Variants in STARD13 observed in about 807,000 individuals in gnomAD.
STARD13 encodes the protein stAR-related lipid transfer protein 13.
In STARD13, 62 loss-of-function variants were observed where a neutral mutation model predicts 106.4. The ratio of observed to expected loss-of-function variants is 0.58; its 90% confidence interval spans 0.48 to 0.72. The LOEUF is 0.72. STARD13 is among the 30% of genes least tolerant of loss of function. STARD13 has a pLI of 0.00. For synonymous variants in STARD13, 565 were observed against 553.0 expected, an observed-to-expected ratio of 1.02 and a Z score of -0.31; for missense variants, 1,387 against 1,424.0, an observed-to-expected ratio of 0.97 and a Z score of 0.42.
At chr13:33,598,689 T>G in the STARD13 span, among the ~76,000 whole-genome samples, 3 of 152,242 alleles carry the variant, frequency 2.0e-5, no homozygotes, top group African/African-American at 7.2e-5. Context: ...CTTTGCTAGT[T>G]TTTTAAATTA....
chr13:33,576,372 G>A, the STARD13 span, among the ~76,000 whole-genome samples: 1 of 151,862 alleles, frequency 6.6e-6, no homozygotes. Flanking sequence ...ACAGGAGTGT[G>A]CCACCATGCC....
intron 1 of STARD13, among the ~76,000 whole-genome samples, chr13:33,239,168 A>G (rs1300916439): frequency 6.6e-6 from 1 of 152,066 alleles, no homozygotes; most frequent in Admixed American, 6.6e-5. Flanking sequence ...TAGCATAATG[A>G]CCTCAAGGCT....
the STARD13 span, among the ~76,000 whole-genome samples, chr13:33,650,749 T>C: frequency 1.3e-5 from 2 of 152,214 alleles, no homozygotes; most frequent in East Asian, 1.9e-4. Flanking sequence ...AGTGGGCCAA[T>C]TGGGAGGTGA....
At chr13:33,664,152 G>A in the STARD13 span, among the ~76,000 whole-genome samples, 17 of 152,312 alleles carry the variant, frequency 1.1e-4, no homozygotes, top group African/African-American at 3.6e-4. Flanking sequence ...GGGGGAAAAC[G>A]TAGGGATGCT....
chr13:33,674,075 G>C, the STARD13 span, among the ~76,000 whole-genome samples: 1 of 151,890 alleles, frequency 6.6e-6, no homozygotes, highest in Non-Finnish European at 1.5e-5. Flanking sequence ...GGCCAGGCTG[G>C]TCTCCAACTC....
the STARD13 span, among the ~76,000 whole-genome samples, chr13:33,665,385 A>T: frequency 6.6e-6 from 1 of 152,250 alleles, no homozygotes; most frequent in African/African-American, 2.4e-5. Context: ...TATCGAGTTG[A>T]AGATAGAACA....
chr13:33,104,183 T>C lies in STARD13; in HGVS notation c.*1410A>G, dbSNP rs1873415657. On this transcript the variant is annotated 3_prime_UTR_variant, in exon 14 of 14. Transcript: ENST00000336934. ...CCAAAGAAAATCTCTCTCCCTGAAATCAAACACACAATAAGTTATCTTTCT... is the reference window on the plus strand; with the variant it reads ...CCAAAGAAAATCTCTCTCCCTGAAACCAAACACACAATAAGTTATCTTTCT... 6.6e-6 allele frequency: 1 copy of C among 152,218 alleles called. No individual in the cohort carries two copies. Among genetic ancestry groups the C allele is most frequent in the Non-Finnish European group, 1.5e-5 (1 of 68,036 alleles). 9.4% of individuals were successfully genotyped at this position (152,218 alleles called of 1,614,324 possible).
the STARD13 span, among the ~76,000 whole-genome samples, chr13:33,647,356 G>A: frequency 6.6e-6 from 1 of 152,112 alleles, no homozygotes; most frequent in Non-Finnish European, 1.5e-5. Flanking sequence ...TGTAGAAAAA[G>A]CATATATTTA....
chr13:33,240,417 TA>T (rs955181426), intron 1 of STARD13, among the ~76,000 whole-genome samples: 1 of 152,078 alleles, frequency 6.6e-6, no homozygotes, highest in African/African-American at 2.4e-5. Context: ...TTCTGCAAAA[TA>T]AAAAAATCCC....
At chr13:33,371,458 A>G in the STARD13 span, among the ~76,000 whole-genome samples, 1 of 152,242 alleles carries the variant, frequency 6.6e-6, no homozygotes, top group Admixed American at 6.5e-5. Flanking sequence ...AAAAATTTCA[A>G]CATATAATAA....
intron 1 of STARD13, among the ~76,000 whole-genome samples, chr13:33,223,163 T>G (rs1594128216): frequency 6.6e-6 from 1 of 152,186 alleles, no homozygotes; most frequent in Non-Finnish European, 1.5e-5. Flanking sequence ...TGCTGGCAGG[T>G]CTGAGAGTCT....
chr13:33,106,611 A>C, intron 13 of STARD13, 147 bp downstream of exon 13: 1 of 618,536 alleles, frequency 1.6e-6, no homozygotes, highest in Non-Finnish European at 2.6e-6. Context: ...GAGGGGAGGC[A>C]TACATATCCA....
At chr13:33,434,191 A>C in the STARD13 span, among the ~76,000 whole-genome samples, 5 of 152,042 alleles carry the variant, frequency 3.3e-5, no homozygotes, top group South Asian at 2.1e-4. Flanking sequence ...CATCTCTGCT[A>C]AAAATTCAAA....
chr13:33,309,120 C>G (rs191814213), intron 1 of STARD13, among the ~76,000 whole-genome samples: 10 of 152,286 alleles, frequency 6.6e-5, no homozygotes, highest in African/African-American at 2.4e-4. Context: ...TGGATGTGTA[C>G]AAGGCATGAC....
At chr13:33,106,697 T>C (rs970472475) in intron 13 of STARD13, 61 bp downstream of exon 13, 1 of 1,435,674 alleles carries the variant, frequency 7.0e-7, no homozygotes, top group Admixed American at 2.1e-5. Flanking sequence ...CCCTGCTGGA[T>C]GTGCTGTACA....
At chr13:33,203,717 C>G (rs1887213470) in intron 1 of STARD13, among the ~76,000 whole-genome samples, 1 of 152,286 alleles carries the variant, frequency 6.6e-6, no homozygotes, top group African/African-American at 2.4e-5. Context: ...CAAATACCTT[C>G]AAGAGCAGCC....
chr13:33,353,079 G>A (rs796720865), upstream of STARD13, among the ~76,000 whole-genome samples: 6 of 152,198 alleles, frequency 3.9e-5, no homozygotes, highest in African/African-American at 1.4e-4. Context: ...TGTCCCTACA[G>A]GTACTTTGCT....
rs183127049 is a variant in STARD13, at chr13:33,177,642, A to G, written c.170-10020T>C. 1.6e-3 allele frequency among the ~76,000 whole-genome samples: 236 copies of G among 152,212 alleles called. 2 individuals are homozygous for G. The highest frequency in any genetic ancestry group is 0.014 in the Admixed American group (218 of 15,282). On this transcript the variant is annotated intron_variant, in intron 1 of 13. Coordinates refer to ENST00000336934, the MANE Select transcript of STARD13 (RefSeq NM_178006.4). Reference sequence around the variant, plus strand: ...ACTATGCTTATTATTTGAAAATCAAATAAATGATTTCAATTTTCTGTTACT... The same window carrying G: ...ACTATGCTTATTATTTGAAAATCAAGTAAATGATTTCAATTTTCTGTTACT...
At chr13:33,584,877 C>G in the STARD13 span, among the ~76,000 whole-genome samples, 1 of 151,996 alleles carries the variant, frequency 6.6e-6, no homozygotes, top group African/African-American at 2.4e-5. Flanking sequence ...GGTACCCTCT[C>G]TCTTTCTTGC....
Sources: allele counts gnomAD v4.1 joint callset (sites outside exome capture counted in the v4.1 genomes callset), GRCh38; gene constraint gnomAD v4.1.1; transcripts MANE v1.5; gene names NCBI Gene and HGNC (gene_info 2026-07-23, HGNC 2026-07-21).